RIC3: variants seen among roughly 807,000 people sequenced by gnomAD.
RIC3 encodes the protein protein RIC-3.
Under a neutral mutation model 27.3 loss-of-function variants are expected in RIC3, and 28 were observed. The ratio of observed to expected loss-of-function variants is 1.02; its 90% confidence interval spans 0.76 to 1.41. The LOEUF is 1.41. Ranked by LOEUF, RIC3 falls within the 40% of genes most tolerant of loss-of-function variation. The probability of loss-of-function intolerance (pLI) is 0.00; values close to 1 mark genes in which losing one functional copy is unlikely to be tolerated. For synonymous variants in RIC3, 184 were observed against 160.4 expected, an observed-to-expected ratio of 1.15 and a Z score of -1.11; for missense variants, 501 against 444.7, an observed-to-expected ratio of 1.13 and a Z score of -1.14.
At chr11:8,154,103 T>G (rs1210077489) in intron 1 of RIC3, among the ~76,000 whole-genome samples, 3 of 152,318 alleles carry the variant, frequency 2.0e-5, no homozygotes, top group Middle Eastern at 3.4e-3. Context: ...GGAATTTTTT[T>G]TTTACAAAAG....
chr11:8,093,772 G>A, the RIC3 span, among the ~76,000 whole-genome samples: 15,404 of 152,166 alleles, frequency 0.1, 804 homozygotes, highest in African/African-American at 0.12. Flanking sequence ...TTTTGAGTGC[G>A]CACTTTGTTG....
intron 1 of RIC3, among the ~76,000 whole-genome samples, chr11:8,143,873 C>T (rs565186541): frequency 6.6e-6 from 1 of 152,192 alleles, no homozygotes; most frequent in African/African-American, 2.4e-5. Flanking sequence ...GAAATAACGC[C>T]GCATATCTAC....
In RIC3 at chr11:8,168,980, A is replaced by G; in HGVS notation, c.10T>C (p.Ser4Pro). The change falls in exon 1 of 6, where the codon TCC (serine) becomes CCC (proline). Residue 4 changes from serine to proline, a missense_variant. Coordinates refer to ENST00000309737, the MANE Select transcript of RIC3 (RefSeq NM_001206671.4). ...GCCAGAGCGACTCTCTGCACTGTGG[A>G]GTACGCCATGACTGCTCACGGTGGT... MAY[S>P]TVQRVALASG... 1 of 1,597,484 alleles carries G rather than the reference A, an allele frequency of 6.3e-7. No individual in the cohort carries two copies. The highest frequency in any genetic ancestry group is 8.5e-7 in the Non-Finnish European group (1 of 1,173,172).
At chr11:8,098,806 C>A in the RIC3 span, 1 of 1,614,198 alleles carries the variant, frequency 6.2e-7, no homozygotes, top group South Asian at 1.1e-5. Flanking sequence ...ATGGAGTCAA[C>A]CCTCAGAAGG....
intron 5 of RIC3, among the ~76,000 whole-genome samples, chr11:8,121,495 C>T (rs1020512465): frequency 1.3e-5 from 2 of 151,970 alleles, no homozygotes; most frequent in Non-Finnish European, 2.9e-5. Flanking sequence ...GTGGGCAGAT[C>T]GCTTGAGGCC....
intron 2 of RIC3, 80 bp downstream of exon 2, chr11:8,139,884 TAAG>T (rs1415040192): frequency 2.5e-6 from 3 of 1,206,556 alleles, no homozygotes; most frequent in African/African-American, 3.1e-5. Flanking sequence ...TTATGAACTA[TAAG>T]AAGTTTTAAT....
intron 1 of RIC3, among the ~76,000 whole-genome samples, chr11:8,156,907 G>A (rs1201644183): frequency 6.6e-6 from 1 of 152,096 alleles, no homozygotes; most frequent in Non-Finnish European, 1.5e-5. Flanking sequence ...AACAAAAACA[G>A]GTAACATTTT....
the RIC3 span, chr11:8,097,886 C>T: frequency 7.6e-7 from 1 of 1,308,032 alleles, no homozygotes; most frequent in African/African-American, 1.5e-5. Flanking sequence ...GGCAAGCTGT[C>T]TGTAGAGGGC....
In RIC3 at chr11:8,126,790, G is replaced by A. The variant is rs376659100; in HGVS notation, c.539C>T (p.Thr180Ile). The A allele has an allele frequency of 4.3e-6, 7 of 1,613,954 alleles. No homozygotes were observed. In the African/African-American group the frequency reaches 9.3e-5, roughly 22 times the overall value. The stretch of plus-strand genomic sequence containing the variant: ...TAGCAACCGTTTCTCTTGGTCAGAA[G>A]TCACAGTCTGTGCTCTGCTTAGAAA... ...PNGESRAQTV[T>I]SDQEKRLLHQ... The change falls in exon 5 of 6, where the codon ACT (threonine) becomes ATT (isoleucine). Residue 180 changes from threonine to isoleucine, a missense_variant. Coordinates refer to ENST00000309737, the MANE Select transcript of RIC3 (RefSeq NM_001206671.4).
chr11:8,132,320 T>C (rs1365795175), intron 4 of RIC3, among the ~76,000 whole-genome samples: 1 of 152,234 alleles, frequency 6.6e-6, no homozygotes, highest in Non-Finnish European at 1.5e-5. Context: ...AGTCACTCTA[T>C]GTATTACTAT....
At chr11:8,133,914 C>A (rs1227968254) in intron 4 of RIC3, among the ~76,000 whole-genome samples, 2 of 151,820 alleles carry the variant, frequency 1.3e-5, no homozygotes, top group Non-Finnish European at 2.9e-5. Flanking sequence ...TGTCTCTTAC[C>A]CCAAGCTCCA....
At chr11:8,140,254 ACACCAAAT>A in intron 1 of RIC3, 61 bp from the exon 2 acceptor site, 3 of 1,448,716 alleles carry the variant, frequency 2.1e-6, no homozygotes. Context: ...TATCATGAAA[ACACCAAAT>A]CATTAAGGTA....
chr11:8,162,957 T>G (rs1333165351), intron 1 of RIC3, among the ~76,000 whole-genome samples: 1 of 151,796 alleles, frequency 6.6e-6, no homozygotes. Flanking sequence ...TAAGCCTCTG[T>G]GTTTCTTTGC....
At chr11:8,137,173 C>T (rs1054013692) in intron 4 of RIC3, among the ~76,000 whole-genome samples, 4 of 152,132 alleles carry the variant, frequency 2.6e-5, no homozygotes, top group Non-Finnish European at 5.9e-5. Flanking sequence ...TGCAGGTGTG[C>T]ACCACCACAC....
intron 1 of RIC3, among the ~76,000 whole-genome samples, chr11:8,148,725 T>C (rs956420644): frequency 6.6e-6 from 1 of 151,988 alleles, no homozygotes; most frequent in African/African-American, 2.4e-5. Flanking sequence ...ATAAAGGTAA[T>C]AGAAACAATA....
rs1236957277 is a variant in RIC3 at position 8,107,456 on chromosome 11, T to C, written c.*3242A>G. ...ATCAGGTTCAAAAATCTTAAATGGC[T>C]ATAGACAGGGGTGACCCTACGTCCA... On this transcript the variant is annotated 3_prime_UTR_variant, in exon 6 of 6. Transcript: ENST00000309737. 2 of 152,224 alleles carry C rather than the reference T, an allele frequency of 1.3e-5. No homozygotes were observed. The highest frequency in any genetic ancestry group is 2.9e-5 in the Non-Finnish European group (2 of 68,050). 9.4% of individuals were successfully genotyped at this position (152,224 alleles called of 1,614,324 possible).
chr11:8,163,048 C>CAT (rs1214228597), intron 1 of RIC3, among the ~76,000 whole-genome samples: 3 of 129,490 alleles, frequency 2.3e-5, no homozygotes, highest in Non-Finnish European at 5.0e-5. Flanking sequence ...CACACACACA[C>CAT]ACATACACAC....
intron 1 of RIC3, among the ~76,000 whole-genome samples, chr11:8,145,420 G>T (rs1423270581): frequency 2.0e-5 from 3 of 152,162 alleles, no homozygotes; most frequent in Admixed American, 2.0e-4. Flanking sequence ...CACAGGGGAA[G>T]ATGGTCGCCC....
chr11:8,116,434 G>A (rs1453736231), intron 5 of RIC3, among the ~76,000 whole-genome samples: 2 of 150,890 alleles, frequency 1.3e-5, no homozygotes, highest in Non-Finnish European at 2.9e-5. Flanking sequence ...TAGACAAATG[G>A]GATTACTGAA....
Sources: gnomAD v4.1 joint callset for allele counts (sites outside exome capture counted in the v4.1 genomes callset) on GRCh38, gnomAD v4.1.1 for gene constraint, MANE v1.5 for transcripts, NCBI Gene and HGNC (gene_info 2026-07-23, HGNC 2026-07-21) for gene names.